Variants in SRGAP3 observed in about 807,000 individuals in gnomAD.
The protein encoded by SRGAP3 is SLIT-ROBO Rho GTPase activating protein 3.
SRGAP3 carries 39 observed loss-of-function variants against 121.1 expected under a neutral mutation model. The observed-to-expected ratio is 0.32, with a 90% CI of 0.25 to 0.42. SRGAP3 has a LOEUF of 0.42. Ranked by LOEUF, SRGAP3 falls within the 10% of genes least tolerant of loss-of-function variation. SRGAP3 has a pLI of 1.00. For synonymous variants in SRGAP3, 601 were observed against 570.0 expected (o/e 1.05, Z -0.77); for missense variants, 1,213 against 1,470.6 (o/e 0.82, Z 2.86).
Position 9,340,766 on chromosome 3 carries a change from A to T in SRGAP3, n.215-10170T>A, listed in dbSNP as rs992959134. Among the ~76,000 whole-genome samples the T allele has an allele frequency of 2.6e-5, 4 of 152,316 alleles. No homozygotes were observed. The South Asian group carries it at 8.3e-4, about 32-fold the overall frequency. On this transcript the variant is annotated intron_variant and non_coding_transcript_variant, in intron 1 of 3. Transcript: ENST00000490889. ...GTGGAAGAGATGTTGGACTCTGCCC[A>T]CAATTGAGATATACAACCCTGTATG...
intron 11 of SRGAP3, chr3:9,033,360 G>A (rs1559963299): frequency 6.5e-6 from 1 of 154,636 alleles, no homozygotes; most frequent in South Asian, 2.0e-4. Flanking sequence ...GTCCCTGGGT[G>A]ACCCCAGGAT....
chr3:9,062,517 A>G (rs1946224344), intron 5 of SRGAP3, among the ~76,000 whole-genome samples: 1 of 152,190 alleles, frequency 6.6e-6, no homozygotes, highest in South Asian at 2.1e-4. Context: ...GCACCCATTC[A>G]CAGTCACTCC....
intron 1 of SRGAP3, among the ~76,000 whole-genome samples, chr3:9,130,212 C>G (rs1229030946): frequency 2.0e-5 from 3 of 152,108 alleles, no homozygotes; most frequent in African/African-American, 7.2e-5. Context: ...ACACACAACA[C>G]CACTCACCCC....
At chr3:9,304,967 T>C (rs1226600535) in intron 3 of SRGAP3, among the ~76,000 whole-genome samples, 1 of 152,206 alleles carries the variant, frequency 6.6e-6, no homozygotes, top group Non-Finnish European at 1.5e-5. Context: ...CAATACCTCA[T>C]TTAATCCTCA....
At chr3:8,988,332 G>A (rs1014209737) in intron 21 of SRGAP3, among the ~76,000 whole-genome samples, 1 of 152,166 alleles carries the variant, frequency 6.6e-6, no homozygotes, top group Non-Finnish European at 1.5e-5. Flanking sequence ...CCTACTACCT[G>A]GGGTTCTTCA....
chr3:9,155,555 G>A (rs1411802693), intron 1 of SRGAP3, among the ~76,000 whole-genome samples: 1 of 151,988 alleles, frequency 6.6e-6, no homozygotes, highest in Non-Finnish European at 1.5e-5. Flanking sequence ...TACTTCCTGT[G>A]TCTCTTAACT....
intron 3 of SRGAP3, among the ~76,000 whole-genome samples, chr3:9,103,674 T>G (rs551941884): frequency 1.3e-5 from 2 of 152,336 alleles, no homozygotes; most frequent in African/African-American, 4.8e-5. Context: ...TAGCTGATCT[T>G]AACCCTGCAG....
rs190703222 is a variant in SRGAP3, at chr3:9,206,821, G to A, written c.67+42064C>T. On this transcript the variant is annotated intron_variant, in intron 1 of 21. Coordinates refer to ENST00000383836, the MANE Select transcript of SRGAP3 (RefSeq NM_014850.4). ...CCTAGTCTCTTCAGTCTCCTTCATCGCACCTATCAGTGCTTAACATCATAG... is the reference window on the plus strand; with the variant it reads ...CCTAGTCTCTTCAGTCTCCTTCATCACACCTATCAGTGCTTAACATCATAG... Among the ~76,000 whole-genome samples the A allele has an allele frequency of 5.4e-3, 817 of 152,130 alleles. 3 individuals carry two copies. The highest frequency in any genetic ancestry group is 9.6e-3 in the Non-Finnish European group (655 of 68,016).
At chr3:9,149,971 T>G (rs2125052440) in intron 1 of SRGAP3, among the ~76,000 whole-genome samples, 2 of 152,268 alleles carry the variant, frequency 1.3e-5, no homozygotes, top group South Asian at 4.2e-4. Flanking sequence ...TCCAATACCG[T>G]GCAGGTGCTG....
intron 14 of SRGAP3, among the ~76,000 whole-genome samples, chr3:9,020,073 A>G (rs1485454357): frequency 6.6e-6 from 1 of 152,226 alleles, no homozygotes; most frequent in Admixed American, 6.5e-5. Context: ...TGGTTCCAAT[A>G]CCACCATTCT....
chr3:9,099,165 G>A (rs1282282707), intron 3 of SRGAP3, among the ~76,000 whole-genome samples: 6 of 152,188 alleles, frequency 3.9e-5, no homozygotes, highest in Admixed American at 2.0e-4. Context: ...TATAAAATGC[G>A]ATGGACATCT....
In SRGAP3 at chr3:9,224,876, G is replaced by T. The variant is rs1952934179; in HGVS notation, c.67+24009C>A. Among the ~76,000 whole-genome samples, 3 of 152,126 alleles carry T rather than the reference G, an allele frequency of 2.0e-5. No homozygotes were observed. The South Asian group carries it at 6.2e-4, about 32-fold the overall frequency. On this transcript the variant is annotated intron_variant, in intron 1 of 21. Coordinates refer to ENST00000383836, the MANE Select transcript of SRGAP3 (RefSeq NM_014850.4). ...CTATAGGTTGTGAAGGTCTAGGATG[G>T]ACAATTTCAGCCTGAGAACCAAAAA...
chr3:9,112,753 T>C (rs955299691), intron 2 of SRGAP3, among the ~76,000 whole-genome samples: 1 of 152,200 alleles, frequency 6.6e-6, no homozygotes, highest in East Asian at 1.9e-4. Context: ...CACTATGTCA[T>C]TGTCATTACA....
intron 1 of SRGAP3, among the ~76,000 whole-genome samples, chr3:9,133,846 G>T (rs1218640742): frequency 6.6e-6 from 1 of 152,218 alleles, no homozygotes; most frequent in African/African-American, 2.4e-5. Context: ...GCTGGGATTT[G>T]CTCCAAAATA....
At position 9,218,112 on chromosome 3, in the gene SRGAP3, AT is replaced by A. The variant is rs1183499941; in HGVS notation, c.67+30772del. 4 of 152,198 alleles carry A rather than the reference AT, an allele frequency of 2.6e-5. No individual in the cohort carries two copies. The highest frequency in any genetic ancestry group is 1.3e-4 in the Admixed American group (2 of 15,286). 9.4% of individuals were successfully genotyped at this position (152,198 alleles called of 1,614,324 possible). On this transcript the variant is annotated intron_variant, in intron 1 of 21. Coordinates refer to ENST00000383836, the MANE Select transcript of SRGAP3 (RefSeq NM_014850.4). The surrounding 1 kb of genome is among the most constrained non-coding windows in gnomAD (Gnocchi z 5.3). ...AGTGCTTACTTAGCTTGGGCTCCAG[AT>A]TTTAAGAGACCCGTTAATAATTTGG...
At chr3:9,335,202 C>T (rs1955671664) in intron 1 of SRGAP3, among the ~76,000 whole-genome samples, 1 of 152,140 alleles carries the variant, frequency 6.6e-6, no homozygotes, top group African/African-American at 2.4e-5. Context: ...TGCCTGGGGG[C>T]TGGGCTCATT....
intron 10 of SRGAP3, among the ~76,000 whole-genome samples, chr3:9,040,223 G>C (rs1052108830): frequency 6.6e-6 from 1 of 152,162 alleles, no homozygotes; most frequent in Non-Finnish European, 1.5e-5. Flanking sequence ...ATCAGATCAT[G>C]TCCTTCCCTT....
chr3:9,067,271 T>C (rs1946475193), intron 4 of SRGAP3, among the ~76,000 whole-genome samples: 2 of 152,074 alleles, frequency 1.3e-5, no homozygotes, highest in Non-Finnish European at 2.9e-5. Context: ...TATATTTTTA[T>C]GCCATGTTTC....
intron 1 of SRGAP3, among the ~76,000 whole-genome samples, chr3:9,186,736 C>T (rs978705153): frequency 4.6e-5 from 7 of 152,204 alleles, no homozygotes; most frequent in East Asian, 1.9e-4. Flanking sequence ...TGTCCTTAGG[C>T]GGTCTAAGGT....
Sources: gnomAD v4.1 joint callset for allele counts (sites outside exome capture counted in the v4.1 genomes callset) on GRCh38, gnomAD v4.1.1 for gene constraint, Gnocchi (gnomAD v3.1) non-coding constraint, MANE v1.5 for transcripts, NCBI Gene and HGNC (gene_info 2026-07-23, HGNC 2026-07-21) for gene names.